PCDHA7: variants seen among roughly 807,000 people sequenced by gnomAD.
PCDHA7 encodes protocadherin alpha-7.
In PCDHA7, 37 loss-of-function variants were observed where a neutral mutation model predicts 57.2. The ratio of observed to expected loss-of-function variants is 0.65; its 90% CI spans 0.50 to 0.85. The LOEUF (loss-of-function observed/expected upper bound fraction) is 0.85. PCDHA7 is among the 40% of genes least tolerant of loss of function. The pLI, the probability that PCDHA7 is intolerant of heterozygous loss-of-function variation, is 0.00. For synonymous variants in PCDHA7, 553 were observed against 558.8 expected (o/e 0.99, Z 0.15); for missense variants, 1,188 against 1,241.8 (o/e 0.96, Z 0.65).
At chr5:140,873,693 C>T (rs1554166841) in intron 1 of PCDHA7, among the ~76,000 whole-genome samples, 1 of 152,156 alleles carries the variant, frequency 6.6e-6, no homozygotes, top group Non-Finnish European at 1.5e-5. Context: ...TAGAGTCTTG[C>T]TCTATCACCC....
intron 3 of PCDHA7, among the ~76,000 whole-genome samples, chr5:140,987,298 G>A (rs2097247103): frequency 6.6e-6 from 1 of 152,086 alleles, no homozygotes; most frequent in South Asian, 2.1e-4. Context: ...AGCCTTCTAT[G>A]TGATACCAAT....
chr5:140,923,219 CGTTTGAGCCCAGAA>C (rs6149268), intron 1 of PCDHA7, among the ~76,000 whole-genome samples: 47,935 of 151,966 alleles, frequency 0.32, 7,912 homozygotes, highest in East Asian at 0.52. Context: ...GTGAAAGGAT[CGTTTGAGCCCAGAA>C]GTTTGAGACC....
In PCDHA7 at chr5:140,834,739, T is replaced by G. The variant is rs1422918644; in HGVS notation, c.356T>G (p.Val119Gly). 1 of 1,614,236 alleles carries G rather than the reference T, an allele frequency of 6.2e-7. No homozygotes were observed. The highest frequency in any genetic ancestry group is 8.5e-7 in the Non-Finnish European group (1 of 1,180,044). Reference sequence around the variant, plus strand: ...GAAAGGCCGCTGCAGGTTTTCCATGTGGACGTGGAGGTGAAGGACATTAAC... The same window carrying G: ...GAAAGGCCGCTGCAGGTTTTCCATGGGGACGTGGAGGTGAAGGACATTAAC... ...IVERPLQVFH[V>G]DVEVKDINDN... The change falls in exon 1 of 4, where the codon GTG becomes GGG. Residue 119 changes from valine (V) to glycine (G), a missense_variant. Physicochemically the swap from Val to Gly is moderately radical, Grantham distance 109. This residue lies in a region of PCDHA7 where 194 missense variants were observed against 185.8 expected (regional missense o/e 1.04). Transcript: ENST00000525929.
rs2150225305 is a variant in PCDHA7 at position 140,834,743 on chromosome 5, C to A, written c.360C>A (p.Asp120Glu). The change falls in exon 1 of 4, where the codon GAC becomes GAA. Residue 120 changes from aspartate (D) to glutamate (E), a missense_variant. Asp to Glu is a conservative substitution (Grantham distance 45, BLOSUM62 2). Around this residue, in one of 3 missense-constraint regions of PCDHA7, gnomAD observed 194 missense variants for 185.8 expected, o/e 1.04. Coordinates refer to ENST00000525929, the MANE Select transcript of PCDHA7 (RefSeq NM_018910.3). ...VERPLQVFHVDVEVKDINDNP... is the reference protein window; with the variant it reads ...VERPLQVFHVEVEVKDINDNP... ...GGCCGCTGCAGGTTTTCCATGTGGA[C>A]GTGGAGGTGAAGGACATTAACGACA... The A allele has an allele frequency of 2.5e-6, 4 of 1,614,056 alleles. No individual in the cohort carries two copies. The highest frequency in any genetic ancestry group is 1.3e-5 in the African/African-American group (1 of 74,916).
chr5:140,998,491 A>G (rs994652769), intron 3 of PCDHA7, among the ~76,000 whole-genome samples: 15 of 152,288 alleles, frequency 9.8e-5, no homozygotes, highest in African/African-American at 3.1e-4. Flanking sequence ...TAACTCTTTG[A>G]GAACAGGGTA....
At chr5:140,844,894 C>G (rs2150374853) in intron 1 of PCDHA7, among the ~76,000 whole-genome samples, 6 of 149,362 alleles carry the variant, frequency 4.0e-5, no homozygotes, top group African/African-American at 1.2e-4. Context: ...GTGCATATTG[C>G]TTTGGAGAGA....
At chr5:140,918,046 G>A (rs1159911161) in intron 1 of PCDHA7, among the ~76,000 whole-genome samples, 2 of 152,006 alleles carry the variant, frequency 1.3e-5, no homozygotes, top group African/African-American at 4.8e-5. Flanking sequence ...CTTTCCATTT[G>A]TTTTATCATC....
At chr5:140,882,811 C>T in intron 1 of PCDHA7, 2 of 1,614,192 alleles carry the variant, frequency 1.2e-6, no homozygotes, top group Non-Finnish European at 8.5e-7. Flanking sequence ...TCACTTTGGA[C>T]GCACAAAACA....
intron 1 of PCDHA7, among the ~76,000 whole-genome samples, chr5:140,878,400 A>G (rs1190004888): frequency 6.6e-6 from 1 of 152,218 alleles, no homozygotes; most frequent in Non-Finnish European, 1.5e-5. Flanking sequence ...TGCTCACAAA[A>G]TATCTTCTTT....
At chr5:140,915,982 G>A (rs1563009608) in intron 1 of PCDHA7, among the ~76,000 whole-genome samples, 3 of 152,230 alleles carry the variant, frequency 2.0e-5, no homozygotes, top group South Asian at 2.1e-4. Flanking sequence ...ATTTGACTAC[G>A]GCTAAGCTGG....
chr5:140,870,957 C>T, intron 1 of PCDHA7: 1 of 1,613,704 alleles, frequency 6.2e-7, no homozygotes, highest in Non-Finnish European at 8.5e-7. Context: ...GCGGCTCGCG[C>T]ATCCCGTTCC....
rs1342030965 is a variant in PCDHA7 at position 140,955,208 on chromosome 5, C to G, written c.2356-23741C>G. ...GGTGTATATGAAGTCAATCAAGTAG[C>G]ATGATGCCTCCAGCTTTGTTCTTTT... On this transcript the variant is annotated intron_variant, in intron 1 of 3. Transcript: ENST00000525929. 2.6e-5 allele frequency among the ~76,000 whole-genome samples: 4 copies of G among 152,140 alleles called. No individual in the cohort carries two copies. In the East Asian group the frequency reaches 7.7e-4, roughly 29 times the overall value.
intron 1 of PCDHA7, among the ~76,000 whole-genome samples, chr5:140,893,642 T>C (rs1479834135): frequency 1.3e-5 from 2 of 152,230 alleles, no homozygotes; most frequent in African/African-American, 2.4e-5. Context: ...TATAGTATTT[T>C]TGGCTGATAG....
chr5:140,854,041 AG>A (rs2042955652), intron 1 of PCDHA7: 1 of 283,480 alleles, frequency 3.5e-6, no homozygotes, highest in Non-Finnish European at 5.5e-6. Flanking sequence ...ACACATCTCT[AG>A]TCCCAATTAC....
chr5:140,926,906 G>A (rs781809570), intron 1 of PCDHA7: 1 of 1,559,584 alleles, frequency 6.4e-7, no homozygotes, highest in Admixed American at 1.8e-5. Context: ...GTGGGCTGTG[G>A]GGTGGCAGTT....
At chr5:140,976,060 T>G (rs1554237234) in intron 1 of PCDHA7, among the ~76,000 whole-genome samples, 3 of 152,228 alleles carry the variant, frequency 2.0e-5, no homozygotes. Flanking sequence ...GATAGTAATA[T>G]ATGTCTTACT....
Position 140,848,453 on chromosome 5 carries a change from T to C in PCDHA7, c.2355+11715T>C. On this transcript the variant is annotated intron_variant, in intron 1 of 3. Transcript: ENST00000525929. ...CGAAATCAGATGATTTCTTCTAATT[T>C]GGAGGCAATTTTCACTAATTAGAAG... is the stretch of plus-strand genomic sequence containing the variant. 2.0e-6 allele frequency: 3 copies of C among 1,519,952 alleles called. 1 individual carries two copies. Among genetic ancestry groups the C allele is most frequent in the Non-Finnish European group, 2.7e-6 (3 of 1,116,942 alleles). The allele number at this position is 1,519,952 out of a possible 1,614,324, so 94.2% of individuals were successfully genotyped here. A position where few individuals can be genotyped will look rare whatever the true frequency, so the allele number is the denominator to read the frequency against.
At position 140,835,444 on chromosome 5, in the gene PCDHA7, C is replaced by T. The variant is rs1773641752; in HGVS notation, c.1061C>T (p.Ser354Phe). 6.2e-7 allele frequency: 1 copy of T among 1,613,922 alleles called. No individual in the cohort carries two copies. The highest frequency in any genetic ancestry group is 8.5e-7 in the Non-Finnish European group (1 of 1,179,862). The change falls in exon 1 of 4, where the codon TCC becomes TTC. Residue 354 changes from serine (S) to phenylalanine (F), a missense_variant. Transcript: ENST00000525929. ...NDNAPQLTLT[S>F]LSLPIPEDAQ... ...AATGCTCCACAGTTGACTCTCACTT[C>T]CCTGTCTCTCCCTATTCCAGAGGAC... is the stretch of plus-strand genomic sequence containing the variant.
chr5:140,887,526 C>G (rs914597781), intron 1 of PCDHA7, among the ~76,000 whole-genome samples: 10 of 152,086 alleles, frequency 6.6e-5, no homozygotes, highest in Admixed American at 1.3e-4. Flanking sequence ...ATATATGAGT[C>G]TTCCTCTCCC....
Sources: gnomAD v4.1 joint callset for allele counts (sites outside exome capture counted in the v4.1 genomes callset) on GRCh38, gnomAD v4.1.1 for gene constraint, gnomAD v4.1.1 regional missense constraint, MANE v1.5 for transcripts, NCBI Gene and HGNC (gene_info 2026-07-23, HGNC 2026-07-21) for gene names.